The following RNF126 variants were observed in gnomAD, a reference collection of about 807,000 sequenced individuals.
RNF126 encodes E3 ubiquitin-protein ligase RNF126.
Under a neutral mutation model 41.9 loss-of-function variants are expected in RNF126, and 20 were observed. The ratio of observed to expected loss-of-function variants is 0.48; its 90% confidence interval spans 0.34 to 0.69. The LOEUF (loss-of-function observed/expected upper bound fraction) is 0.69. RNF126 is among the 30% of genes least tolerant of loss of function. The pLI is 0.01. For synonymous variants in RNF126, 239 were observed against 202.9 expected, an observed-to-expected ratio of 1.18 and a Z score of -1.51; for missense variants, 433 against 460.6, an observed-to-expected ratio of 0.94 and a Z score of 0.55.
chr19:649,250 T>C, intron 6 of RNF126: 1 of 287,838 alleles, frequency 3.5e-6, no homozygotes, highest in Non-Finnish European at 6.2e-6. Context: ...CTGAGTGCCC[T>C]GACGGCGGAA....
At position 657,362 on chromosome 19, in the gene RNF126, A is replaced by G. The variant is rs535391688; in HGVS notation, c.76-4478T>C. ...GGGTTCCCGTCTCAGTCCAGGGCAC[A>G]ACGCATGCTCCCGCCACCCGCACTG... On this transcript the variant is annotated intron_variant, in intron 1 of 8. Coordinates refer to ENST00000292363, the MANE Select transcript of RNF126 (RefSeq NM_194460.3). Among the ~76,000 whole-genome samples the G allele has an allele frequency of 6.4e-4, 98 of 152,308 alleles. 1 individual carries two copies. Among genetic ancestry groups the G allele is most frequent in the Admixed American group, 1.6e-3 (25 of 15,310 alleles).
chr19:653,630 A>G (rs917431074), intron 1 of RNF126, among the ~76,000 whole-genome samples: 7 of 152,180 alleles, frequency 4.6e-5, no homozygotes. Context: ...GCCCCTGGTG[A>G]TGGCGGAGCG....
intron 1 of RNF126, among the ~76,000 whole-genome samples, chr19:662,140 G>A (rs72974200): frequency 0.043 from 6,570 of 152,216 alleles, 185 homozygotes; most frequent in Non-Finnish European, 0.061. Flanking sequence ...GCAACACAGG[G>A]AGACCCCATT....
chr19:649,516 G>A, intron 6 of RNF126, 163 bp downstream of exon 6: 2 of 600,880 alleles, frequency 3.3e-6, no homozygotes, highest in South Asian at 2.0e-5. Flanking sequence ...AATGGCAGGA[G>A]GAAGGCCGGA....
chr19:661,603 G>A (rs915459888), intron 1 of RNF126, among the ~76,000 whole-genome samples: 1 of 152,082 alleles, frequency 6.6e-6, no homozygotes, highest in African/African-American at 2.4e-5. Flanking sequence ...GCCTGGCCCC[G>A]CTCTCCCGCC....
chr19:651,894 C>A lies in RNF126; in HGVS notation c.199-39G>T, dbSNP rs565000848. 7 of 1,572,508 alleles carry A rather than the reference C, an allele frequency of 4.5e-6. No homozygotes were observed. In the East Asian group the frequency reaches 1.6e-4, roughly 36 times the overall value. ...GGGGGCGTGACCTCGGGGGCTCAGG[C>A]CCGTGCAGTCTGCTGGGGGCGCTAG... On this transcript the variant is annotated intron_variant, in intron 3 of 8. Transcript: ENST00000292363.
rs191863871 is a variant in RNF126, at chr19:660,734, C to T, written c.75+2313G>A. 2.0e-3 allele frequency among the ~76,000 whole-genome samples: 310 copies of T among 152,294 alleles called. 12 individuals are homozygous for T. The highest frequency in any genetic ancestry group is 3.2e-4 in the Non-Finnish European group (22 of 68,014). Reference sequence around the variant, plus strand: ...AGCCTCCACCTCCCAGGCTCAAGCGCTCCTCCCACCACCTCAGCCCCCGCC... The same window carrying T: ...AGCCTCCACCTCCCAGGCTCAAGCGTTCCTCCCACCACCTCAGCCCCCGCC... On this transcript the variant is annotated intron_variant, in intron 1 of 8. Transcript: ENST00000292363.
chr19:654,715 C>T (rs1223489670), intron 1 of RNF126, among the ~76,000 whole-genome samples: 2 of 142,770 alleles, frequency 1.4e-5, no homozygotes, highest in Non-Finnish European at 3.0e-5. Flanking sequence ...ACCTGTAATC[C>T]TGGCACTTTG....
At chr19:654,905 T>A (rs1168292750) in intron 1 of RNF126, among the ~76,000 whole-genome samples, 1 of 150,650 alleles carries the variant, frequency 6.6e-6, no homozygotes, top group East Asian at 1.9e-4. Context: ...AGGCGGAGGC[T>A]GCAACGAGCC....
chr19:647,758 G>A lies in RNF126; in HGVS notation c.*370C>T, dbSNP rs1005274213. The stretch of plus-strand genomic sequence containing the variant: ...CCGCTGAACCCCGTGCTTCAGCGCT[G>A]GGGGAGCCGCTGGGCCCCGTCTTCC... On this transcript the variant is annotated 3_prime_UTR_variant, in exon 9 of 9. Coordinates refer to ENST00000292363, the MANE Select transcript of RNF126 (RefSeq NM_194460.3). The A allele has an allele frequency of 1.4e-4, 48 of 347,016 alleles. No individual in the cohort carries two copies. The highest frequency in any genetic ancestry group is 2.5e-4 in the Non-Finnish European group (45 of 179,434). 21.5% of individuals were successfully genotyped at this position (347,016 alleles called of 1,614,324 possible).
intron 1 of RNF126, among the ~76,000 whole-genome samples, chr19:654,136 G>A (rs536781041): frequency 3.4e-4 from 52 of 152,362 alleles, no homozygotes; most frequent in African/African-American, 1.1e-3. Flanking sequence ...ACACCACGCC[G>A]TGCCTGCCTC....
chr19:652,369 A>G, intron 2 of RNF126, 73 bp from the exon 3 acceptor site: 1 of 1,294,242 alleles, frequency 7.7e-7, no homozygotes, highest in Non-Finnish European at 1.1e-6. Flanking sequence ...CTCCCCTCAA[A>G]AGCCTATGTT....
At chr19:652,372 C>T (rs2030352275) in intron 2 of RNF126, 76 bp from the exon 3 acceptor site, 16 of 1,288,876 alleles carry the variant, frequency 1.2e-5, no homozygotes, top group South Asian at 4.1e-5. Context: ...CCCTCAAAAG[C>T]CTATGTTGGG....
intron 1 of RNF126, among the ~76,000 whole-genome samples, chr19:657,913 CAA>C (rs1440751911): frequency 2.0e-5 from 3 of 152,094 alleles, no homozygotes; most frequent in Non-Finnish European, 4.4e-5. Context: ...AGGGCACAGC[CAA>C]GAGACCGCTT....
In RNF126 at chr19:659,455, G is replaced by A. The variant is rs933612295; in HGVS notation, c.75+3592C>T. On this transcript the variant is annotated intron_variant, in intron 1 of 8. Transcript: ENST00000292363. This position sits in a 1 kb window ranked among gnomAD's most constrained non-coding sequence, Gnocchi z 4.9. ...GCGGAGGTTGCAGGCGTTCGGGGGT[G>A]GGGGGTCGGCAGGCAGAGCTGGAAC... is the stretch of plus-strand genomic sequence containing the variant. Among the ~76,000 whole-genome samples the A allele has an allele frequency of 4.6e-5, 7 of 152,168 alleles. No individual in the cohort carries two copies. Among genetic ancestry groups the A allele is most frequent in the African/African-American group, 1.4e-4 (6 of 41,450 alleles).
chr19:652,191 A>G, intron 3 of RNF126, 42 bp downstream of exon 3: 1 of 1,465,574 alleles, frequency 6.8e-7, no homozygotes, highest in Non-Finnish European at 9.1e-7. Flanking sequence ...GGCCCCGAGC[A>G]AGGCTGACAC....
rs1393176928 is a variant in RNF126 at position 659,977 on chromosome 19, C to T, written c.75+3070G>A. 2.0e-5 allele frequency among the ~76,000 whole-genome samples: 3 copies of T among 152,184 alleles called. No individual in the cohort carries two copies. Among genetic ancestry groups the T allele is most frequent in the Non-Finnish European group, 4.4e-5 (3 of 68,026 alleles). On this transcript the variant is annotated intron_variant, in intron 1 of 8. Transcript: ENST00000292363. The surrounding 1 kb of genome is among the most constrained non-coding windows in gnomAD (Gnocchi z 4.9). ...ATGGGGTTTTACCATGTTAGCCAGG[C>T]TGGTCTCGAACTCCTGACCTCAGGT...
At chr19:651,462 ACAGGGGGCTGGAGGGC>A (rs1482864930) in intron 4 of RNF126, 133 bp downstream of exon 4, 1 of 717,580 alleles carries the variant, frequency 1.4e-6, no homozygotes, top group African/African-American at 1.9e-5. Context: ...GTGGGGAGTC[ACAGGGGGCTGGAGGGC>A]CTGGCCGGGC....
Position 649,702 on chromosome 19 carries a change from C to T in RNF126, c.553G>A (p.Gly185Ser). 1 of 1,568,860 alleles carries T rather than the reference C, an allele frequency of 6.4e-7. No individual in the cohort carries two copies. Among genetic ancestry groups the T allele is most frequent in the Non-Finnish European group, 8.7e-7 (1 of 1,155,270 alleles). The change falls in exon 6 of 9, where the codon GGC (glycine) becomes AGC (serine). Residue 185 changes from glycine to serine, a missense_variant. By Grantham distance (56) the Gly-to-Ser change is moderately conservative. Transcript: ENST00000292363. ...NPMDYAWGAN[G>S]LDAIITQLLN... ...ACCTGTGTGATGATGGCATCCAGGC[C>T]GTTGGCCCCCCAGGCGTAGTCCATA...
Sources: gnomAD v4.1 joint callset for allele counts (sites outside exome capture counted in the v4.1 genomes callset) on GRCh38, gnomAD v4.1.1 for gene constraint, Gnocchi (gnomAD v3.1) non-coding constraint, MANE v1.5 for transcripts, NCBI Gene and HGNC (gene_info 2026-07-23, HGNC 2026-07-21) for gene names.